Variants in FIP1L1 observed in about 807,000 individuals in gnomAD.
The protein encoded by FIP1L1 is factor interacting with PAPOLA and CPSF1, also known as pre-mRNA 3'-end-processing factor FIP1.
A neutral mutation model predicts 84.6 loss-of-function variants in FIP1L1; 21 were observed. The ratio of observed to expected loss-of-function variants is 0.25; its 90% CI spans 0.18 to 0.36. The LOEUF is 0.36. FIP1L1 is among the 10% of genes least tolerant of loss of function. The pLI is 1.00. For synonymous variants in FIP1L1, 263 were observed against 242.3 expected (o/e 1.09, Z -0.80); for missense variants, 526 against 751.1 (o/e 0.70, Z 3.50).
chr4:53,432,423 A>T (rs1665529441), intron 13 of FIP1L1, among the ~76,000 whole-genome samples: 1 of 135,166 alleles, frequency 7.4e-6, no homozygotes, highest in East Asian at 2.0e-4. Context: ...AAAAAAAAAA[A>T]AGAAAGAAAA....
In FIP1L1 at chr4:53,459,691, G is replaced by GAGTC. The variant is rs1479779772; in HGVS notation, c.*244_*247dup. On this transcript the variant is annotated 3_prime_UTR_variant, in exon 18 of 18. Coordinates refer to ENST00000337488, the MANE Select transcript of FIP1L1 (RefSeq NM_030917.4). ...TTATATCCAAGAAAGGAATGTGAAT[G>GAGTC]AGTCACTTAACAGGGAATCTAAAGA... The GAGTC allele has an allele frequency of 5.7e-6, 3 of 523,556 alleles. No individual in the cohort carries two copies. The highest frequency in any genetic ancestry group is 3.8e-5 in the African/African-American group (2 of 52,194). 32.4% of individuals were successfully genotyped at this position (523,556 alleles called of 1,614,324 possible).
intron 10 of FIP1L1, among the ~76,000 whole-genome samples, chr4:53,400,732 T>G (rs1749778920): frequency 6.6e-6 from 1 of 152,204 alleles, no homozygotes; most frequent in Non-Finnish European, 1.5e-5. Context: ...CAGCCAAAAT[T>G]AAATGGCATA....
chr4:53,435,319 T>C (rs1408568768), intron 13 of FIP1L1, among the ~76,000 whole-genome samples: 1 of 152,210 alleles, frequency 6.6e-6, no homozygotes, highest in Non-Finnish European at 1.5e-5. Flanking sequence ...GCACCCTTTA[T>C]AATAGTTACA....
In FIP1L1 at chr4:53,412,659, C is replaced by G. The variant is rs150187976; in HGVS notation, c.816-1956C>G. Among the ~76,000 whole-genome samples, 117 of 152,120 alleles carry G rather than the reference C, an allele frequency of 7.7e-4. 1 individual carries two copies. The highest frequency in any genetic ancestry group is 2.7e-3 in the African/African-American group (111 of 41,522). Reference sequence around the variant, plus strand: ...TTCTCAGTGTATTGGCTTGGAGATACAGGATGTCAGTTTGTCATGTTATTT... The same window carrying G: ...TTCTCAGTGTATTGGCTTGGAGATAGAGGATGTCAGTTTGTCATGTTATTT... On this transcript the variant is annotated intron_variant, in intron 10 of 17. Coordinates refer to ENST00000337488, the MANE Select transcript of FIP1L1 (RefSeq NM_030917.4).
At chr4:53,402,401 AAG>A (rs1750736370) in intron 10 of FIP1L1, among the ~76,000 whole-genome samples, 1 of 152,098 alleles carries the variant, frequency 6.6e-6, no homozygotes, top group Admixed American at 6.5e-5. Context: ...TTTCAAAACA[AAG>A]AAAAAAACAG....
chr4:53,399,451 G>T (rs1749115382), intron 9 of FIP1L1, among the ~76,000 whole-genome samples: 1 of 152,136 alleles, frequency 6.6e-6, no homozygotes, highest in African/African-American at 2.4e-5. Context: ...GTGATCTGCA[G>T]GAATTTATGA....
intron 10 of FIP1L1, among the ~76,000 whole-genome samples, chr4:53,404,437 G>A (rs1184360379): frequency 6.6e-6 from 1 of 152,008 alleles, no homozygotes; most frequent in African/African-American, 2.4e-5. Context: ...TTGGTTCCAA[G>A]TCTTTGCTAT....
chr4:53,390,967 G>A (rs753794003), intron 7 of FIP1L1, 42 bp from the exon 8 acceptor site: 2 of 1,499,158 alleles, frequency 1.3e-6, no homozygotes, highest in Non-Finnish European at 1.8e-6. Flanking sequence ...CATAAAAATA[G>A]AGCTGAAATA....
intron 7 of FIP1L1, 81 bp downstream of exon 7, chr4:53,390,709 A>G (rs1743812411): frequency 1.2e-6 from 1 of 833,622 alleles, no homozygotes; most frequent in Non-Finnish European, 1.9e-6. Context: ...TCAATTTAGA[A>G]TTTTATTTTT....
At chr4:53,430,099 A>G (rs934460515) in intron 13 of FIP1L1, among the ~76,000 whole-genome samples, 1 of 152,184 alleles carries the variant, frequency 6.6e-6, no homozygotes, top group Admixed American at 6.5e-5. Context: ...GTTGTCACAA[A>G]TGACAGAATG....
chr4:53,428,166 C>T lies in FIP1L1; in HGVS notation c.1157C>T (p.Pro386Leu). 6.3e-7 allele frequency: 1 copy of T among 1,585,190 alleles called. No individual in the cohort carries two copies. Among genetic ancestry groups the T allele is most frequent in the East Asian group, 2.2e-5 (1 of 44,674 alleles). Residue 386 changes from proline to leucine, a missense_variant, in exon 13 of 18, where the codon CCT (proline) becomes CTT (leucine). By Grantham distance (98) the Pro-to-Leu change is moderately conservative. This residue lies in a region of FIP1L1 where 80 missense variants were observed against 151.1 expected (regional missense o/e 0.53). Coordinates refer to ENST00000337488, the MANE Select transcript of FIP1L1 (RefSeq NM_030917.4). ...PPPPTVSTAP[P>L]LIPPPGFPPP... ...CCTCCGACTGTCAGCACTGCTCCAC[C>T]TCTGATTCCACCACCGGGTAAATAG... is the stretch of plus-strand genomic sequence containing the variant.
At chr4:53,414,463 C>A in intron 10 of FIP1L1, 152 bp from the exon 11 acceptor site, 2 of 513,460 alleles carry the variant, frequency 3.9e-6, no homozygotes, top group Non-Finnish European at 3.6e-6. Context: ...TACTTAGTAC[C>A]ACAGCAAGTA....
chr4:53,459,128 C>T (rs1721077057), intron 17 of FIP1L1, among the ~76,000 whole-genome samples, 174 bp from the exon 18 acceptor site: 1 of 151,990 alleles, frequency 6.6e-6, no homozygotes, highest in South Asian at 2.1e-4. Context: ...TAAATACAAT[C>T]CCTGCATAAA....
At chr4:53,440,802 C>T (rs754528431) in intron 13 of FIP1L1, 4 of 529,488 alleles carry the variant, frequency 7.6e-6, no homozygotes, top group South Asian at 6.6e-5. Flanking sequence ...ACCTGTCTTA[C>T]CCGTTTCTGT....
At chr4:53,399,935 CA>C (rs1340160648) in intron 10 of FIP1L1, 96 bp downstream of exon 10, 2 of 790,430 alleles carry the variant, frequency 2.5e-6, no homozygotes, top group Non-Finnish European at 4.0e-6. Flanking sequence ...AATGTTTTAC[CA>C]AAAAACTGGA....
intron 4 of FIP1L1, 103 bp downstream of exon 4, chr4:53,382,438 AGGT>A: frequency 1.2e-6 from 1 of 846,114 alleles, no homozygotes; most frequent in Non-Finnish European, 2.0e-6. Flanking sequence ...CTTCAGTATC[AGGT>A]GTTATCTGGC....
At chr4:53,381,342 CT>C (rs1737764980) in intron 3 of FIP1L1, among the ~76,000 whole-genome samples, 1 of 152,136 alleles carries the variant, frequency 6.6e-6, no homozygotes, top group Non-Finnish European at 1.5e-5. Flanking sequence ...GCTGAAGCCT[CT>C]GTTTTTCTTA....
chr4:53,413,442 AATC>A (rs1241116633), intron 10 of FIP1L1, among the ~76,000 whole-genome samples: 1 of 152,056 alleles, frequency 6.6e-6, no homozygotes, highest in Non-Finnish European at 1.5e-5. Flanking sequence ...TTAGTCATGA[AATC>A]ATCATGTTTC....
At position 53,379,291 on chromosome 4, in the gene FIP1L1, ATT is replaced by A; in HGVS notation, c.170+28_170+29del. On this transcript the variant is annotated intron_variant, in intron 3 of 17. Transcript: ENST00000337488. The stretch of plus-strand genomic sequence containing the variant: ...TTAGTGAAATTTTCTGTTGATGCCT[ATT>A]ACACAGGTTGTGTGAAACAATGGTT... 2.6e-6 allele frequency: 4 copies of A among 1,562,830 alleles called. No individual in the cohort carries two copies. In the South Asian group the frequency reaches 4.9e-5, roughly 19 times the overall value.
Sources: gnomAD v4.1 joint callset for allele counts (sites outside exome capture counted in the v4.1 genomes callset) on GRCh38, gnomAD v4.1.1 for gene constraint, gnomAD v4.1.1 regional missense constraint, MANE v1.5 for transcripts, NCBI Gene and HGNC (gene_info 2026-07-23, HGNC 2026-07-21) for gene names.